STK3: variants seen among roughly 807,000 people sequenced by gnomAD.
The protein encoded by STK3 is serine/threonine kinase 3, also known as serine/threonine-protein kinase 3.
A neutral mutation model predicts 58.0 loss-of-function variants in STK3; 41 were observed. That is an observed-to-expected ratio of 0.71 (90% confidence interval 0.55 to 0.92). The LOEUF (loss-of-function observed/expected upper bound fraction) is 0.92. Among genes scored for constraint, STK3 ranks in the 40% least tolerant of loss-of-function variants. The pLI is 0.00. For missense variants in STK3, 479 were observed against 602.7 expected (o/e 0.79, Z 2.15); for synonymous variants, 170 against 191.0 (o/e 0.89, Z 0.91).
At chr8:98,808,207 T>C (rs910099763) in intron 1 of STK3, among the ~76,000 whole-genome samples, 1 of 152,206 alleles carries the variant, frequency 6.6e-6, no homozygotes, top group East Asian at 1.9e-4. Context: ...CTCTAAGAAG[T>C]AGCAGAAAGC....
At chr8:98,789,621 G>T (rs538590286) in intron 1 of STK3, among the ~76,000 whole-genome samples, 1 of 152,254 alleles carries the variant, frequency 6.6e-6, no homozygotes, top group East Asian at 1.9e-4. Flanking sequence ...AGGCTACTAT[G>T]AACCCCTTTA....
upstream of STK3, chr8:98,391,309 C>T (rs1207832616): frequency 1.3e-5 from 2 of 152,234 alleles, no homozygotes; most frequent in African/African-American, 2.4e-5. Context: ...TTCAGTTCTG[C>T]CCCTAGGTTC....
intron 1 of STK3, among the ~76,000 whole-genome samples, chr8:98,812,386 C>T (rs143697033): frequency 6.6e-6 from 1 of 152,266 alleles, no homozygotes; most frequent in Non-Finnish European, 1.5e-5. Flanking sequence ...AGTCAGGAAA[C>T]AACAGGTGCT....
rs1034487409 is a variant in STK3, at chr8:98,543,654, T to C, written c.1141+4315A>G. Reference sequence around the variant, plus strand: ...GCATGATAACATTTCACTTTTTTTCTGTAAAGTAGGGAGCAACGTCATCTA... The same window carrying C: ...GCATGATAACATTTCACTTTTTTTCCGTAAAGTAGGGAGCAACGTCATCTA... On this transcript the variant is annotated intron_variant, in intron 9 of 10. Coordinates refer to ENST00000419617, the MANE Select transcript of STK3 (RefSeq NM_006281.4). 2.0e-5 allele frequency among the ~76,000 whole-genome samples: 3 copies of C among 152,162 alleles called. No homozygotes were observed. In the South Asian group the frequency reaches 6.2e-4, roughly 32 times the overall value.
intron 7 of STK3, among the ~76,000 whole-genome samples, chr8:98,585,109 A>G (rs1325749194): frequency 6.6e-6 from 1 of 150,906 alleles, no homozygotes; most frequent in Non-Finnish European, 1.5e-5. Context: ...ATTAGATCCC[A>G]TTTGTCAATT....
intron 3 of STK3, among the ~76,000 whole-genome samples, chr8:98,852,105 G>C (rs1346090646): frequency 6.6e-6 from 1 of 151,670 alleles, no homozygotes; most frequent in Non-Finnish European, 1.5e-5. Context: ...GCAATTCTAT[G>C]AACTAACAAG....
chr8:98,511,229 G>T (rs1416540519), intron 10 of STK3, among the ~76,000 whole-genome samples: 2 of 151,644 alleles, frequency 1.3e-5, no homozygotes, highest in African/African-American at 2.4e-5. Context: ...CATATTTTTT[G>T]AATTTGAATC....
downstream of STK3, among the ~76,000 whole-genome samples, chr8:98,396,948 G>C (rs1438005841): frequency 1.3e-5 from 2 of 152,152 alleles, no homozygotes; most frequent in African/African-American, 2.4e-5. Flanking sequence ...ATATTAATTA[G>C]TTTAATCCTT....
chr8:98,652,095 A>G (rs1205701889), intron 6 of STK3, among the ~76,000 whole-genome samples: 2 of 152,232 alleles, frequency 1.3e-5, no homozygotes, highest in Non-Finnish European at 2.9e-5. Context: ...AGGTCAAGTT[A>G]CCCACAAAGG....
At chr8:98,352,092 G>A in the STK3 span, among the ~76,000 whole-genome samples, 2,148 of 145,734 alleles carry the variant, frequency 0.015, 183 homozygotes, top group Admixed American at 0.13. Context: ...AGCTGAGATC[G>A]CGCCACTGCA....
At chr8:98,732,440 T>A (rs1828279674) in intron 4 of STK3, among the ~76,000 whole-genome samples, 1 of 152,054 alleles carries the variant, frequency 6.6e-6, no homozygotes, top group African/African-American at 2.4e-5. Context: ...TGTTAGAAGA[T>A]AAATGGAGGA....
At chr8:98,434,198 A>G (rs1818404718) in exon 3 of STK3, 1 of 152,062 alleles carries the variant, frequency 6.6e-6, no homozygotes, top group Non-Finnish European at 1.5e-5. Context: ...ATCTGTGTTA[A>G]CCTTGCCCCG....
chr8:98,883,059 G>A (rs1019267348), downstream of STK3: 1 of 152,350 alleles, frequency 6.6e-6, no homozygotes, highest in African/African-American at 2.4e-5. Flanking sequence ...AAAGGCCTAT[G>A]GTAAGCACAA....
intron 2 of STK3, among the ~76,000 whole-genome samples, chr8:98,770,854 A>C (rs2131465902): frequency 6.6e-6 from 1 of 152,310 alleles, no homozygotes; most frequent in East Asian, 1.9e-4. Context: ...TACCATAATG[A>C]GTAACAAAGC....
intron 3 of STK3, chr8:98,429,655 G>A: frequency 4.1e-6 from 2 of 491,290 alleles, no homozygotes; most frequent in South Asian, 4.7e-5. Context: ...TGCATCGTGG[G>A]CATAAAATGT....
At position 98,558,368 on chromosome 8, in the gene STK3, T is replaced by C. The variant is rs369181648; in HGVS notation, c.949-10207A>G. 2.3e-4 allele frequency among the ~76,000 whole-genome samples: 35 copies of C among 152,210 alleles called. No homozygotes were observed. In the East Asian group the frequency reaches 4.3e-3, roughly 18 times the overall value. On this transcript the variant is annotated intron_variant, in intron 8 of 10. Transcript: ENST00000419617. ...TTCTTGATACATTTTTAAGCAGTGA[T>C]ATATTTAAAAATACTGTAACCACTG...
intron 10 of STK3, among the ~76,000 whole-genome samples, chr8:98,495,538 A>C (rs537341677): frequency 1.3e-5 from 2 of 152,352 alleles, no homozygotes; most frequent in East Asian, 3.9e-4. Flanking sequence ...ACTCTGAATT[A>C]GCCAAACCTT....
At chr8:98,728,970 A>T (rs7017812) in intron 4 of STK3, among the ~76,000 whole-genome samples, 69 of 152,370 alleles carry the variant, frequency 4.5e-4, no homozygotes, top group African/African-American at 1.5e-3. Context: ...ACATATTTTT[A>T]AAATATAACA....
intron 8 of STK3, among the ~76,000 whole-genome samples, chr8:98,563,985 A>C (rs1398278592): frequency 2.0e-5 from 3 of 152,148 alleles, no homozygotes; most frequent in African/African-American, 7.2e-5. Flanking sequence ...ACTTCCTTCC[A>C]AAGAGTACAG....
Sources: gnomAD v4.1 joint callset for allele counts (sites outside exome capture counted in the v4.1 genomes callset) on GRCh38, gnomAD v4.1.1 for gene constraint, MANE v1.5 for transcripts, NCBI Gene and HGNC (gene_info 2026-07-23, HGNC 2026-07-21) for gene names.